WAPL: variants seen among roughly 807,000 people sequenced by gnomAD.
WAPL encodes WAPL cohesin release factor, also known as wings apart-like protein homolog.
WAPL carries 5 observed loss-of-function variants against 121.0 expected under a neutral mutation model. The observed-to-expected ratio is 0.04, with a 90% CI of 0.02 to 0.09. The LOEUF (loss-of-function observed/expected upper bound fraction) is 0.09. WAPL is among the 10% of genes least tolerant of loss of function. WAPL has a pLI of 1.00. For synonymous variants in WAPL, 480 were observed against 481.5 expected (o/e 1.00, Z 0.04); for missense variants, 999 against 1,410.8 (o/e 0.71, Z 4.68).
chr10:86,481,183 A>G (rs1307391790), intron 4 of WAPL, among the ~76,000 whole-genome samples: 1 of 152,206 alleles, frequency 6.6e-6, no homozygotes, highest in Non-Finnish European at 1.5e-5. Flanking sequence ...AGATATAAAC[A>G]GTCAACATGT....
intron 16 of WAPL, 173 bp from the exon 17 acceptor site, chr10:86,443,536 C>A: frequency 2.0e-6 from 1 of 495,808 alleles, no homozygotes; most frequent in Non-Finnish European, 3.5e-6. Context: ...AAATAGGGAT[C>A]CAAAAGAAAA....
chr10:86,506,618 T>C (rs1196692136), intron 2 of WAPL, among the ~76,000 whole-genome samples: 1 of 152,012 alleles, frequency 6.6e-6, no homozygotes, highest in Non-Finnish European at 1.5e-5. Flanking sequence ...CAAGACTCTC[T>C]CTACAAAAAA....
Position 86,499,550 on chromosome 10 carries a change from T to C in WAPL, c.1525+168A>G, listed in dbSNP as rs114788751. Among the ~76,000 whole-genome samples, 822 of 152,352 alleles carry C rather than the reference T, an allele frequency of 5.4e-3. 7 individuals are homozygous for C. Among genetic ancestry groups the C allele is most frequent in the African/African-American group, 0.019 (784 of 41,590 alleles). On this transcript the variant is annotated intron_variant, in intron 3 of 18. Transcript: ENST00000298767. ...ATGACTAAGAATAGAACAATGATTTTAACAATACGCTATAATAAATGTTAT... is the reference window on the plus strand; with the variant it reads ...ATGACTAAGAATAGAACAATGATTTCAACAATACGCTATAATAAATGTTAT...
At chr10:86,491,136 CTTTTTTT>C (rs34863367) in intron 4 of WAPL, among the ~76,000 whole-genome samples, 1 of 102,788 alleles carries the variant, frequency 9.7e-6, no homozygotes, top group Non-Finnish European at 1.9e-5. Context: ...ACTCATGGTT[CTTTTTTT>C]TTTTTTTTTT....
intron 4 of WAPL, among the ~76,000 whole-genome samples, chr10:86,483,608 G>A (rs959723665): frequency 1.3e-5 from 2 of 151,696 alleles, no homozygotes; most frequent in Admixed American, 6.6e-5. Flanking sequence ...GGTACTTCAG[G>A]AGTTATTCCA....
At chr10:86,476,584 G>A (rs994698398) in intron 4 of WAPL, among the ~76,000 whole-genome samples, 3 of 151,530 alleles carry the variant, frequency 2.0e-5, no homozygotes, top group African/African-American at 7.3e-5. Context: ...AGCTACTCAG[G>A]AGGCTGAGGC....
chr10:86,494,957 C>A (rs571960989), intron 4 of WAPL, among the ~76,000 whole-genome samples: 61 of 152,192 alleles, frequency 4.0e-4, no homozygotes, highest in African/African-American at 1.3e-3. Flanking sequence ...ACCTAAGCAC[C>A]TGGGAGTGCA....
chr10:86,499,802 T>C lies in WAPL; in HGVS notation c.1441A>G (p.Lys481Glu), dbSNP rs1589532379. ...TGCAAGGAGGGTGATGGAGCTGTTTTAGTTCTTTTTTTGCTTGTCTTTCTT... is the reference window on the plus strand; with the variant it reads ...TGCAAGGAGGGTGATGGAGCTGTTTCAGTTCTTTTTTTGCTTGTCTTTCTT... ...VERKTSKKRTKTAPSPSLQPP... is the reference protein window; with the variant it reads ...VERKTSKKRTETAPSPSLQPP... Residue 481 changes from lysine (K) to glutamate (E), a missense_variant, in exon 3 of 19, where the codon AAA becomes GAA. Lys to Glu is a moderately conservative substitution (Grantham distance 56). Coordinates refer to ENST00000298767, the MANE Select transcript of WAPL (RefSeq NM_015045.5). The C allele has an allele frequency of 6.2e-7, 1 of 1,613,412 alleles. No individual in the cohort carries two copies. The highest frequency in any genetic ancestry group is 8.5e-7 in the Non-Finnish European group (1 of 1,179,850).
chr10:86,515,677 G>T (rs1213007643), intron 2 of WAPL, among the ~76,000 whole-genome samples: 1 of 151,958 alleles, frequency 6.6e-6, no homozygotes, highest in Admixed American at 6.6e-5. Context: ...AGCTACTGGG[G>T]AGGCTGAGGT....
chr10:86,490,385 A>G (rs1293374432), intron 4 of WAPL, among the ~76,000 whole-genome samples: 1 of 152,216 alleles, frequency 6.6e-6, no homozygotes, highest in East Asian at 1.9e-4. Flanking sequence ...TCAAGTTGCC[A>G]TGACCTGATT....
At chr10:86,485,532 A>G (rs1221279435) in intron 4 of WAPL, among the ~76,000 whole-genome samples, 1 of 152,098 alleles carries the variant, frequency 6.6e-6, no homozygotes, top group Non-Finnish European at 1.5e-5. Context: ...GCGAGACTCC[A>G]TATCCAAAAC....
intron 2 of WAPL, among the ~76,000 whole-genome samples, chr10:86,505,576 C>T (rs1000241768): frequency 4.6e-5 from 7 of 151,942 alleles, no homozygotes; most frequent in Admixed American, 1.3e-4. Context: ...CATGAGCCAC[C>T]GCGCCCGGTC....
In WAPL at chr10:86,451,968, T is replaced by C. The variant is rs757597322; in HGVS notation, c.3113A>G (p.Gln1038Arg). Residue 1038 changes from glutamine (Q) to arginine (R), a missense_variant and splice_region_variant, in exon 15 of 19, where the codon CAG becomes CGG. Around this residue, in one of 7 missense-constraint regions of WAPL, gnomAD observed 126 missense variants for 144.0 expected, o/e 0.87. Transcript: ENST00000298767. Reference protein sequence around the residue: ...GQVHAVQALVQLFLERERAAQ... With the variant: ...GQVHAVQALVRLFLERERAAQ... Reference sequence around the variant, plus strand: ...TTTGTTTTTAAAGTGGTTGCTTACCTGCACTAAAGCCTGGACAGCATGAAC... The same window carrying C: ...TTTGTTTTTAAAGTGGTTGCTTACCCGCACTAAAGCCTGGACAGCATGAAC... 3.1e-6 allele frequency: 5 copies of C among 1,613,038 alleles called. No individual in the cohort carries two copies. Among genetic ancestry groups the C allele is most frequent in the Non-Finnish European group, 4.2e-6 (5 of 1,179,728 alleles).
intron 7 of WAPL, among the ~76,000 whole-genome samples, chr10:86,471,952 A>C (rs1330881606): frequency 4.6e-5 from 1 of 21,518 alleles, no homozygotes; most frequent in Non-Finnish European, 9.0e-5. Context: ...GCTTTAGCGT[A>C]ATTTTTTTTT....
chr10:86,518,748 T>C (rs1284578535), intron 1 of WAPL, among the ~76,000 whole-genome samples: 1 of 152,232 alleles, frequency 6.6e-6, no homozygotes, highest in African/African-American at 2.4e-5. Flanking sequence ...CAATACTTGA[T>C]TAAATTTAGT....
intron 4 of WAPL, among the ~76,000 whole-genome samples, chr10:86,489,776 C>A (rs1411976841): frequency 2.0e-5 from 3 of 151,844 alleles, no homozygotes; most frequent in South Asian, 2.1e-4. Context: ...TACCTCTTTA[C>A]CACCTGGAAA....
chr10:86,521,168 G>C (rs1219573352), intron 1 of WAPL, among the ~76,000 whole-genome samples, 197 bp downstream of exon 1: 1 of 152,206 alleles, frequency 6.6e-6, no homozygotes, highest in African/African-American at 2.4e-5. Flanking sequence ...AAGTCAATCA[G>C]CAGTCGCCCG....
rs201930082 is a variant in WAPL, at chr10:86,517,678, T to A, written c.392A>T (p.Asp131Val). 1.2e-5 allele frequency: 20 copies of A among 1,614,024 alleles called. No homozygotes were observed. Among genetic ancestry groups the A allele is most frequent in the Non-Finnish European group, 1.7e-5 (20 of 1,180,016 alleles). ...AGTGTCCTCCAAAGGGAAGCATTTA[T>A]CAGAAACGACAGTGTCTTCAACGAC... is the stretch of plus-strand genomic sequence containing the variant. ...HVVVEDTVVSDKCFPLEDTLL... is the reference protein window; with the variant it reads ...HVVVEDTVVSVKCFPLEDTLL... The change falls in exon 2 of 19, where the codon GAT becomes GTT. Residue 131 changes from aspartate to valine, a missense_variant. By Grantham distance (152) the Asp-to-Val change is radical. Coordinates refer to ENST00000298767, the MANE Select transcript of WAPL (RefSeq NM_015045.5).
chr10:86,517,209 T>A (rs989582806), intron 2 of WAPL, among the ~76,000 whole-genome samples: 1 of 152,204 alleles, frequency 6.6e-6, no homozygotes, highest in Non-Finnish European at 1.5e-5. Context: ...TCATTTTAAA[T>A]ACTCATCTCA....
Sources: allele counts gnomAD v4.1 joint callset (sites outside exome capture counted in the v4.1 genomes callset), GRCh38; gene constraint gnomAD v4.1.1; regional missense constraint gnomAD v4.1.1; transcripts MANE v1.5; gene names NCBI Gene and HGNC (gene_info 2026-07-23, HGNC 2026-07-21).